PCNX1: variants seen among roughly 807,000 people sequenced by gnomAD.
PCNX1 encodes pecanex 1.
A neutral mutation model predicts 242.2 loss-of-function variants in PCNX1; 78 were observed. The ratio of observed to expected loss-of-function variants is 0.32; its 90% confidence interval spans 0.27 to 0.39. The LOEUF (loss-of-function observed/expected upper bound fraction) is 0.39, where lower values mean the gene tolerates loss of function less well. Among genes scored for constraint, PCNX1 ranks in the 10% least tolerant of loss-of-function variants. The pLI, the probability that PCNX1 is intolerant of heterozygous loss-of-function variation, is 1.00. For missense variants in PCNX1, 2,581 were observed against 2,856.5 expected (o/e 0.90, Z 2.20); for synonymous variants, 1,024 against 1,032.9 (o/e 0.99, Z 0.17).
intron 27 of PCNX1, 150 bp downstream of exon 27, chr14:71,073,948 C>A: frequency 2.1e-6 from 1 of 467,268 alleles, no homozygotes; most frequent in Non-Finnish European, 3.4e-6. Context: ...CAGAATACTC[C>A]ATAAAAATAA....
intron 12 of PCNX1, among the ~76,000 whole-genome samples, chr14:71,022,059 T>G (rs534999139): frequency 1.8e-4 from 28 of 152,304 alleles, no homozygotes; most frequent in Admixed American, 3.9e-4. Context: ...ATTAATCATC[T>G]CCTGGTTAAT....
intron 8 of PCNX1, among the ~76,000 whole-genome samples, chr14:70,998,172 T>C (rs2140363275): frequency 6.6e-6 from 1 of 152,356 alleles, no homozygotes; most frequent in Admixed American, 6.5e-5. Context: ...TAAGCCTAGA[T>C]AGTTTTCCTA....
intron 1 of PCNX1, 27 bp downstream of exon 1, chr14:70,908,030 G>A: frequency 1.3e-6 from 2 of 1,534,678 alleles, no homozygotes; most frequent in South Asian, 1.2e-5. Flanking sequence ...GGAGCGGGTG[G>A]CTCCTTCCCC....
At chr14:70,946,049 A>AATCCACCT (rs2057444243) in intron 1 of PCNX1, among the ~76,000 whole-genome samples, 1 of 152,200 alleles carries the variant, frequency 6.6e-6, no homozygotes, top group Non-Finnish European at 1.5e-5. Context: ...TGTGGACTCA[A>AATCCACCT]GTTCCCCATC....
chr14:70,941,760 G>A (rs1189714061), intron 1 of PCNX1, among the ~76,000 whole-genome samples: 1 of 152,184 alleles, frequency 6.6e-6, no homozygotes, highest in Non-Finnish European at 1.5e-5. Context: ...AGGCCTCCTT[G>A]AGCTGCGGTG....
chr14:70,930,776 GT>G (rs1002559196), intron 1 of PCNX1, among the ~76,000 whole-genome samples: 64 of 146,608 alleles, frequency 4.4e-4, no homozygotes, highest in South Asian at 6.5e-4. Flanking sequence ...AGAATATTAT[GT>G]TTTTTTTTTT....
intron 26 of PCNX1, among the ~76,000 whole-genome samples, chr14:71,068,750 A>G (rs2061519604): frequency 8.2e-6 from 1 of 121,788 alleles, no homozygotes; most frequent in Non-Finnish European, 1.6e-5. Context: ...TATATATTTT[A>G]TATACATTAT....
intron 1 of PCNX1, among the ~76,000 whole-genome samples, chr14:70,939,432 T>C (rs1029865468): frequency 2.0e-5 from 3 of 152,208 alleles, no homozygotes; most frequent in Admixed American, 1.3e-4. Context: ...TTCCATGTAG[T>C]TGAGTGGTTT....
chr14:70,920,009 G>C (rs2056317766), intron 1 of PCNX1, among the ~76,000 whole-genome samples: 1 of 151,994 alleles, frequency 6.6e-6, no homozygotes, highest in Non-Finnish European at 1.5e-5. Flanking sequence ...TCACAACTTT[G>C]AGAAGCTTGA....
chr14:71,087,222 T>G (rs1231044595), intron 28 of PCNX1, among the ~76,000 whole-genome samples: 1 of 152,228 alleles, frequency 6.6e-6, no homozygotes, highest in Non-Finnish European at 1.5e-5. Flanking sequence ...ATTTACTGTT[T>G]TGTAACCTGG....
rs1448227780 is a variant in PCNX1 at position 71,109,527 on chromosome 14, A to G, written c.6820A>G (p.Ile2274Val). The G allele has an allele frequency of 1.9e-6, 3 of 1,613,958 alleles. No individual in the cohort carries two copies. In the Admixed American group the frequency reaches 5.0e-5, roughly 27 times the overall value. The part of the protein sequence containing the change: ...RKELQWPDEG[I>V]RLKAGRNSWK... ...AGAGCTACAGTGGCCTGATGAAGGA[A>G]TCCGGTTAAAAGCTGGGAGAAATAG... The change falls in exon 35 of 36, where the codon ATC becomes GTC. Residue 2274 changes from isoleucine (I) to valine (V), a missense_variant. Around this residue, in one of 9 missense-constraint regions of PCNX1, gnomAD observed 432 missense variants for 433.6 expected, o/e 1.00. Transcript: ENST00000304743.
intron 10 of PCNX1, 76 bp from the exon 11 acceptor site, chr14:71,012,909 G>T (rs931836701): frequency 2.1e-6 from 2 of 938,366 alleles, no homozygotes; most frequent in African/African-American, 3.3e-5. Flanking sequence ...GAATTATGAA[G>T]ATATTTTATT....
At chr14:71,051,506 T>C (rs1209413930) in intron 23 of PCNX1, among the ~76,000 whole-genome samples, 7 of 152,218 alleles carry the variant, frequency 4.6e-5, no homozygotes, top group Non-Finnish European at 7.3e-5. Context: ...AAGTATTTTC[T>C]AAATAATAGT....
At chr14:71,017,047 G>T (rs2059978798) in intron 11 of PCNX1, among the ~76,000 whole-genome samples, 1 of 152,160 alleles carries the variant, frequency 6.6e-6, no homozygotes, top group South Asian at 2.1e-4. Flanking sequence ...TGTGAGTTAT[G>T]ATATCACTAC....
At chr14:71,026,516 T>G (rs2060248108) in intron 14 of PCNX1, among the ~76,000 whole-genome samples, 2 of 152,096 alleles carry the variant, frequency 1.3e-5, no homozygotes, top group Admixed American at 1.3e-4. Context: ...TGCAGAAGAT[T>G]TTTTTGGTTT....
intron 11 of PCNX1, among the ~76,000 whole-genome samples, chr14:71,015,792 A>C (rs2059947501): frequency 6.6e-6 from 1 of 152,226 alleles, no homozygotes. Context: ...TGAGACAAAT[A>C]GGAAACACAT....
At chr14:71,019,924 A>G (rs2060054827) in intron 12 of PCNX1, among the ~76,000 whole-genome samples, 1 of 151,850 alleles carries the variant, frequency 6.6e-6, no homozygotes, top group African/African-American at 2.4e-5. Context: ...TCCTAATGCT[A>G]TCCCTCCCCT....
In PCNX1 at chr14:71,102,135, C is replaced by T; in HGVS notation, c.5735C>T (p.Ala1912Val). 6.2e-7 allele frequency: 1 copy of T among 1,614,078 alleles called. No individual in the cohort carries two copies. The highest frequency in any genetic ancestry group is 8.5e-7 in the Non-Finnish European group (1 of 1,179,958). The change falls in exon 31 of 36, where the codon GCT becomes GTT. Residue 1912 changes from alanine (A) to valine (V), a missense_variant. Ala to Val is a moderately conservative substitution (Grantham distance 64, BLOSUM62 0). Transcript: ENST00000304743. The part of the protein sequence containing the change: ...AVLANSPSLL[A>V]LRHVMDDGTN... ...CTTGCCAACTCTCCCTCCTTGCTTGCTCTGCGGCATGTCATGGATGATGGC... is the reference window on the plus strand; with the variant it reads ...CTTGCCAACTCTCCCTCCTTGCTTGTTCTGCGGCATGTCATGGATGATGGC...
rs2062771308 is a variant in PCNX1, at chr14:71,112,491, C to G, written c.*2556C>G. The G allele has an allele frequency of 6.6e-6, 1 of 151,912 alleles. No individual in the cohort carries two copies. Among genetic ancestry groups the G allele is most frequent in the African/African-American group, 2.4e-5 (1 of 41,388 alleles). 9.4% of individuals were successfully genotyped at this position (151,912 alleles called of 1,614,324 possible). A position where few individuals can be genotyped will look rare whatever the true frequency, so the allele number is the denominator to read the frequency against. On this transcript the variant is annotated 3_prime_UTR_variant, in exon 36 of 36. Coordinates refer to ENST00000304743, the MANE Select transcript of PCNX1 (RefSeq NM_014982.3). ...ATCTTTTAAAAATCATAATACTTTT[C>G]TAGTAATTGCATCAGGGAATTGGTG...
Sources: allele counts gnomAD v4.1 joint callset (sites outside exome capture counted in the v4.1 genomes callset), GRCh38; gene constraint gnomAD v4.1.1; regional missense constraint gnomAD v4.1.1; transcripts MANE v1.5; gene names NCBI Gene and HGNC (gene_info 2026-07-23, HGNC 2026-07-21).